The following LRFN5 variants were observed in gnomAD, a reference collection of about 807,000 sequenced individuals.
LRFN5 encodes leucine-rich repeat and fibronectin type-III domain-containing protein 5.
A neutral mutation model predicts 45.6 loss-of-function variants in LRFN5; 24 were observed. The ratio of observed to expected loss-of-function variants is 0.53; its 90% confidence interval spans 0.38 to 0.74. The LOEUF (loss-of-function observed/expected upper bound fraction) is 0.74, where lower values mean the gene tolerates loss of function less well. Among genes scored for constraint, LRFN5 ranks in the 30% least tolerant of loss-of-function variants. The pLI is 0.00. For synonymous variants in LRFN5, 340 were observed against 313.8 expected (o/e 1.08, Z -0.88); for missense variants, 776 against 861.5 (o/e 0.90, Z 1.24).
intron 1 of LRFN5, among the ~76,000 whole-genome samples, chr14:41,633,048 C>T (rs1470935554): frequency 6.6e-6 from 1 of 152,074 alleles, no homozygotes; most frequent in Admixed American, 6.6e-5. Flanking sequence ...ACCCTATGAA[C>T]CTCAGGGTCT....
At chr14:41,680,968 A>G (rs976592999) in intron 1 of LRFN5, among the ~76,000 whole-genome samples, 15 of 152,110 alleles carry the variant, frequency 9.9e-5, no homozygotes, top group African/African-American at 3.6e-4. Flanking sequence ...TAAAAATGCA[A>G]CTGACATAAT....
chr14:41,851,458 G>A (rs76843263), intron 2 of LRFN5, among the ~76,000 whole-genome samples: 7,632 of 151,718 alleles, frequency 0.05, 263 homozygotes, highest in Middle Eastern at 0.082. Flanking sequence ...TACATATGAT[G>A]TTTCAATATT....
At chr14:41,683,518 T>A (rs2138690301) in intron 1 of LRFN5, among the ~76,000 whole-genome samples, 1 of 152,284 alleles carries the variant, frequency 6.6e-6, no homozygotes, top group South Asian at 2.1e-4. Flanking sequence ...ACTATCTTTG[T>A]TTGCAAATGA....
chr14:41,800,752 C>G (rs10140807), intron 2 of LRFN5, among the ~76,000 whole-genome samples: 4,542 of 150,490 alleles, frequency 0.03, 242 homozygotes, highest in African/African-American at 0.11. Flanking sequence ...TCTGTGTCTC[C>G]TAACTCATAA....
intron 2 of LRFN5, among the ~76,000 whole-genome samples, chr14:41,846,214 G>GACACACACAC (rs61090774): frequency 1.1e-3 from 171 of 150,484 alleles, no homozygotes; most frequent in East Asian, 3.0e-3. Flanking sequence ...TGTTTACACA[G>GACACACACAC]ACACACACAC....
At chr14:41,762,086 A>G (rs1885694349) in intron 1 of LRFN5, among the ~76,000 whole-genome samples, 1 of 151,884 alleles carries the variant, frequency 6.6e-6, no homozygotes, top group South Asian at 2.1e-4. Flanking sequence ...ATTTCTTTAA[A>G]AACAATGAAA....
At chr14:41,876,277 C>CTTT (rs34291427) in intron 2 of LRFN5, among the ~76,000 whole-genome samples, 9,891 of 100,428 alleles carry the variant, frequency 0.098, 987 homozygotes, top group Middle Eastern at 0.13. Flanking sequence ...CTTTTTCTTT[C>CTTT]TTTTTTTTTT....
At chr14:41,798,606 TC>T (rs996055760) in intron 2 of LRFN5, among the ~76,000 whole-genome samples, 2 of 152,016 alleles carry the variant, frequency 1.3e-5, no homozygotes, top group African/African-American at 4.8e-5. Flanking sequence ...TGTTAGACTT[TC>T]AGCAAGCCCT....
chr14:41,878,304 A>G (rs1483015333), intron 2 of LRFN5, among the ~76,000 whole-genome samples: 1 of 152,194 alleles, frequency 6.6e-6, no homozygotes, highest in African/African-American at 2.4e-5. Flanking sequence ...TTGAATTAAT[A>G]GCATTCTACT....
intron 1 of LRFN5, among the ~76,000 whole-genome samples, chr14:41,652,337 T>A (rs1284742470): frequency 6.6e-6 from 1 of 152,106 alleles, no homozygotes; most frequent in African/African-American, 2.4e-5. Flanking sequence ...AAGATGAATT[T>A]TTTTTGTGAT....
chr14:41,891,736 C>A lies in LRFN5; in HGVS notation c.1872C>A (p.Thr624=). The A allele has an allele frequency of 6.2e-7, 1 of 1,614,188 alleles. No individual in the cohort carries two copies. ...SETCSSQDSS[T]TTSALPPSWT... ...CTTGTTCGAGTCAGGACTCCTCTAC[C>A]ACTACCTCTGCTTTGCCTCCTTCCT... is the stretch of plus-strand genomic sequence containing the variant. Residue 624 remains threonine, a synonymous_variant, in exon 4 of 6, where the codon ACC becomes ACA. Transcript: ENST00000298119.
rs142463243 is a variant in LRFN5 at position 41,843,267 on chromosome 14, T to A, written c.-20-43339T>A. ...CCATCATGCCCAGCTATATTCTAAA[T>A]TTGTTTTGTAGAGATGAGGTCTCAC... On this transcript the variant is annotated intron_variant, in intron 2 of 5. Coordinates refer to ENST00000298119, the MANE Select transcript of LRFN5 (RefSeq NM_152447.5). Among the ~76,000 whole-genome samples, 93 of 152,002 alleles carry A rather than the reference T, an allele frequency of 6.1e-4. 1 individual carries two copies. In the East Asian group the frequency reaches 0.017, roughly 28 times the overall value.
intron 2 of LRFN5, among the ~76,000 whole-genome samples, chr14:41,786,634 A>G (rs1566440770): frequency 1.3e-5 from 2 of 150,330 alleles, no homozygotes; most frequent in Admixed American, 6.6e-5. Context: ...ATCTTGCATC[A>G]GTGAGGTTGT....
chr14:41,903,729 A>C (rs1459838423), intron 5 of LRFN5, among the ~76,000 whole-genome samples: 1 of 151,946 alleles, frequency 6.6e-6, no homozygotes, highest in Non-Finnish European at 1.5e-5. Context: ...TATTTGTAAA[A>C]TTTTAATATC....
At chr14:41,666,364 A>G (rs1489731085) in intron 1 of LRFN5, among the ~76,000 whole-genome samples, 1 of 152,076 alleles carries the variant, frequency 6.6e-6, no homozygotes, top group Non-Finnish European at 1.5e-5. Context: ...CCCATTTTTC[A>G]GCAACGGAAA....
intron 2 of LRFN5, among the ~76,000 whole-genome samples, chr14:41,882,600 AT>A (rs1235496979): frequency 6.6e-6 from 1 of 152,006 alleles, no homozygotes; most frequent in Non-Finnish European, 1.5e-5. Context: ...CTATTCCCAT[AT>A]TTTTAAGATA....
intron 1 of LRFN5, among the ~76,000 whole-genome samples, chr14:41,630,202 T>C (rs540395886): frequency 2.6e-4 from 40 of 152,210 alleles, no homozygotes; most frequent in Non-Finnish European, 5.7e-4. Flanking sequence ...AAAAAACTTT[T>C]ATCAATAAAG....
At chr14:41,890,081 C>T (rs528561729) in intron 3 of LRFN5, among the ~76,000 whole-genome samples, 1 of 152,180 alleles carries the variant, frequency 6.6e-6, no homozygotes, top group South Asian at 2.1e-4. Context: ...TCAGGCTGGT[C>T]TCAAACTCCT....
chr14:41,776,565 TTAA>T (rs1886300318), intron 2 of LRFN5, among the ~76,000 whole-genome samples: 1 of 152,180 alleles, frequency 6.6e-6, no homozygotes, highest in Non-Finnish European at 1.5e-5. Context: ...ATTTTTATAC[TTAA>T]TAACTTGTCT....
Sources: allele counts gnomAD v4.1 joint callset (sites outside exome capture counted in the v4.1 genomes callset), GRCh38; gene constraint gnomAD v4.1.1; transcripts MANE v1.5; gene names NCBI Gene and HGNC (gene_info 2026-07-23, HGNC 2026-07-21).